Variants in SYT9 observed in about 807,000 individuals in gnomAD.
The protein encoded by SYT9 is synaptotagmin-9.
A neutral mutation model predicts 48.4 loss-of-function variants in SYT9; 22 were observed. The observed-to-expected ratio is 0.45, with a 90% CI of 0.32 to 0.65. The LOEUF (loss-of-function observed/expected upper bound fraction) is 0.65. Ranked by LOEUF, SYT9 falls within the 30% of genes least tolerant of loss-of-function variation. The probability of loss-of-function intolerance (pLI) is 0.03; values close to 1 mark genes in which losing one functional copy is unlikely to be tolerated. For missense variants in SYT9, 577 were observed against 622.0 expected (o/e 0.93, Z 0.77); for synonymous variants, 265 against 245.0 (o/e 1.08, Z -0.76).
At chr11:7,288,834 C>A (rs1321323794) in intron 1 of SYT9, among the ~76,000 whole-genome samples, 1 of 152,328 alleles carries the variant, frequency 6.6e-6, no homozygotes, top group East Asian at 1.9e-4. Flanking sequence ...GGTGTGAGAA[C>A]CCTGCTCTCT....
chr11:7,301,764 C>G (rs1269305717), intron 1 of SYT9, among the ~76,000 whole-genome samples: 1 of 152,152 alleles, frequency 6.6e-6, no homozygotes, highest in Non-Finnish European at 1.5e-5. Flanking sequence ...ATCCTTGGGG[C>G]TCCAGAGTGT....
intron 6 of SYT9, among the ~76,000 whole-genome samples, chr11:7,433,406 C>A (rs990845812): frequency 6.6e-6 from 1 of 152,182 alleles, no homozygotes; most frequent in Non-Finnish European, 1.5e-5. Flanking sequence ...AAAATATGAA[C>A]ATTCTGAATT....
Position 7,313,938 on chromosome 11 carries a change from C to T in SYT9, c.1041C>T (p.Thr347=), listed in dbSNP as rs1218634660. The T allele has an allele frequency of 1.2e-6, 2 of 1,609,044 alleles. No individual in the cohort carries two copies. Among genetic ancestry groups the T allele is most frequent in the Admixed American group, 1.7e-5 (1 of 59,714 alleles). ...CILWKDIEYV[T]NDNVDLGELM... ...TTTGGAAGGATATCGAATATGTCAC[C>T]AATGTGAGTCCAGCATTTCTTCATT... Residue 347 remains threonine (T), a synonymous_variant, in exon 3 of 7, where the codon ACC becomes ACT. Transcript: ENST00000318881.
chr11:7,267,714 G>A (rs891513262), intron 1 of SYT9, among the ~76,000 whole-genome samples: 5 of 151,638 alleles, frequency 3.3e-5, no homozygotes, highest in African/African-American at 1.2e-4. Context: ...AAAAAAATAA[G>A]AGCAAAGCAT....
At chr11:7,270,836 C>CAG (rs973848671) in intron 1 of SYT9, among the ~76,000 whole-genome samples, 4 of 53,142 alleles carry the variant, frequency 7.5e-5, no homozygotes, top group African/African-American at 3.6e-4. Flanking sequence ...GACACAGACA[C>CAG]ACACACACAC....
At chr11:7,416,288 T>C (rs1564896059) in intron 4 of SYT9, 126 bp downstream of exon 4, 2 of 1,129,076 alleles carry the variant, frequency 1.8e-6, no homozygotes, top group African/African-American at 1.6e-5. Flanking sequence ...GCCCTAGTCC[T>C]AACACCTGTG....
intron 3 of SYT9, among the ~76,000 whole-genome samples, chr11:7,334,065 A>G (rs1487851): frequency 1 from 152,277 of 152,338 alleles, 76,108 homozygotes; most frequent in Non-Finnish European, 1. Flanking sequence ...ACAAAAGGAT[A>G]GTTAGGCATT....
intron 1 of SYT9, among the ~76,000 whole-genome samples, chr11:7,284,632 G>T (rs1340574074): frequency 6.6e-6 from 1 of 151,762 alleles, no homozygotes; most frequent in Non-Finnish European, 1.5e-5. Flanking sequence ...TCACCTTGAA[G>T]TTCTGATATT....
At chr11:7,310,448 T>TTA in intron 2 of SYT9, among the ~76,000 whole-genome samples, 1 of 145,778 alleles carries the variant, frequency 6.9e-6, no homozygotes, top group Non-Finnish European at 1.5e-5. Context: ...ACTGTGATTT[T>TTA]TTTTTTTTTT....
At chr11:7,351,758 T>C (rs1225651796) in intron 3 of SYT9, among the ~76,000 whole-genome samples, 1 of 152,172 alleles carries the variant, frequency 6.6e-6, no homozygotes, top group East Asian at 1.9e-4. Context: ...GATATGCTGG[T>C]ATTTGAATCC....
intron 1 of SYT9, among the ~76,000 whole-genome samples, chr11:7,272,056 C>T (rs1848307269): frequency 6.6e-6 from 1 of 152,186 alleles, no homozygotes; most frequent in African/African-American, 2.4e-5. Flanking sequence ...AGCACATATC[C>T]TGGGCAGTCC....
intron 6 of SYT9, chr11:7,439,034 A>G (rs888928864): frequency 1.3e-5 from 2 of 152,366 alleles, no homozygotes; most frequent in South Asian, 4.1e-4. Flanking sequence ...CTCCACTCAG[A>G]AAGGAAACAC....
intron 6 of SYT9, among the ~76,000 whole-genome samples, chr11:7,426,884 G>T (rs1012858576): frequency 5.9e-5 from 9 of 152,040 alleles, no homozygotes; most frequent in African/African-American, 2.2e-4. Flanking sequence ...AATAAGGCCT[G>T]GCTTTAAGAT....
intron 1 of SYT9, among the ~76,000 whole-genome samples, chr11:7,265,085 G>T (rs1157666488): frequency 6.6e-6 from 1 of 152,100 alleles, no homozygotes; most frequent in Non-Finnish European, 1.5e-5. Flanking sequence ...ATATTTAAGA[G>T]ATAAAATAAT....
At chr11:7,441,920 C>G (rs755748093) in intron 6 of SYT9, among the ~76,000 whole-genome samples, 5 of 151,930 alleles carry the variant, frequency 3.3e-5, no homozygotes, top group Non-Finnish European at 5.9e-5. Context: ...CTGGCAATAC[C>G]CAGCCAACCT....
intron 2 of SYT9, among the ~76,000 whole-genome samples, chr11:7,313,170 G>T (rs953080529): frequency 6.6e-6 from 1 of 152,252 alleles, no homozygotes; most frequent in South Asian, 2.1e-4. Context: ...CATGTTACTA[G>T]GTTCATTTCC....
chr11:7,346,075 G>T (rs936925840), intron 3 of SYT9, among the ~76,000 whole-genome samples: 1 of 152,198 alleles, frequency 6.6e-6, no homozygotes, highest in South Asian at 2.1e-4. Flanking sequence ...TTATGTGACG[G>T]CAAAGTCATT....
intron 3 of SYT9, among the ~76,000 whole-genome samples, chr11:7,397,962 T>A (rs558310108): frequency 3.9e-5 from 6 of 152,224 alleles, no homozygotes; most frequent in Non-Finnish European, 8.8e-5. Flanking sequence ...TGTATATGTC[T>A]TTTATTTCTA....
chr11:7,420,108 A>G (rs1847322575), intron 5 of SYT9, among the ~76,000 whole-genome samples: 1 of 152,218 alleles, frequency 6.6e-6, no homozygotes, highest in Non-Finnish European at 1.5e-5. Flanking sequence ...GCCAGACACA[A>G]AACTGCTCCC....
Sources: allele counts gnomAD v4.1 joint callset (sites outside exome capture counted in the v4.1 genomes callset), GRCh38; gene constraint gnomAD v4.1.1; transcripts MANE v1.5; gene names NCBI Gene and HGNC (gene_info 2026-07-23, HGNC 2026-07-21).